The following CDH12 variants were observed in gnomAD, a reference collection of about 807,000 sequenced individuals.
CDH12 encodes the protein cadherin-12.
A neutral mutation model predicts 74.1 loss-of-function variants in CDH12; 41 were observed. The observed-to-expected ratio is 0.55, with a 90% confidence interval of 0.43 to 0.72. The LOEUF (loss-of-function observed/expected upper bound fraction) is 0.72, where lower values mean the gene tolerates loss of function less well. CDH12 is among the 30% of genes least tolerant of loss of function. The pLI is 0.00. For missense variants in CDH12, 945 were observed against 977.2 expected (o/e 0.97, Z 0.44); for synonymous variants, 399 against 355.0 (o/e 1.12, Z -1.39).
At chr5:22,721,785 T>C (rs188854887) in intron 1 of CDH12, among the ~76,000 whole-genome samples, 8 of 152,130 alleles carry the variant, frequency 5.3e-5, no homozygotes, top group African/African-American at 1.7e-4. Context: ...GTTGTCATGA[T>C]AGAGAGTGAG....
chr5:21,849,311 T>G (rs937646928), intron 7 of CDH12, among the ~76,000 whole-genome samples: 1 of 151,798 alleles, frequency 6.6e-6, no homozygotes, highest in Non-Finnish European at 1.5e-5. Context: ...TTATTTTTGC[T>G]GATGTGTTCA....
intron 1 of CDH12, among the ~76,000 whole-genome samples, chr5:22,678,052 G>GGC (rs908991344): frequency 2.0e-5 from 3 of 151,456 alleles, no homozygotes; most frequent in East Asian, 3.9e-4. Context: ...CATGGGGGGG[G>GGC]GGGTTAGGAT....
chr5:22,044,719 T>C (rs1383451120), intron 5 of CDH12, among the ~76,000 whole-genome samples: 1 of 152,226 alleles, frequency 6.6e-6, no homozygotes, highest in East Asian at 1.9e-4. Context: ...GAAAAGGCAG[T>C]GTTTTCAATA....
chr5:22,412,791 T>G (rs1223050988), intron 2 of CDH12, among the ~76,000 whole-genome samples: 2 of 151,990 alleles, frequency 1.3e-5, no homozygotes, highest in Admixed American at 6.6e-5. Flanking sequence ...TACCTTTTTA[T>G]GCCAAAGGAC....
At chr5:22,473,310 T>G (rs952162994) in intron 2 of CDH12, among the ~76,000 whole-genome samples, 7 of 152,148 alleles carry the variant, frequency 4.6e-5, no homozygotes, top group African/African-American at 1.4e-4. Context: ...TTTATAAAAT[T>G]TAAAGCACCT....
chr5:22,380,253 TAATC>T (rs1333910243), intron 3 of CDH12, among the ~76,000 whole-genome samples: 1 of 152,156 alleles, frequency 6.6e-6, no homozygotes, highest in Non-Finnish European at 1.5e-5. Flanking sequence ...TTTAAAAAAT[TAATC>T]AACCTCCACT....
At chr5:22,387,021 A>G (rs1322471289) in intron 3 of CDH12, among the ~76,000 whole-genome samples, 1 of 151,976 alleles carries the variant, frequency 6.6e-6, no homozygotes, top group Non-Finnish European at 1.5e-5. Context: ...ATCATTTGTA[A>G]AGTAATATGA....
In CDH12 at chr5:22,104,407, CTTTAT is replaced by C. The variant is rs531829415; in HGVS notation, c.-186-25550_-186-25546del. On this transcript the variant is annotated intron_variant, in intron 4 of 14. Transcript: ENST00000382254. ...AGTATGTATTTGGAAAGAGATATTGCTTTATTTTAAGTCAAATTAAATGAGAAAAA... is the reference window on the plus strand; with the variant it reads ...AGTATGTATTTGGAAAGAGATATTGCTTTAAGTCAAATTAAATGAGAAAAA... Among the ~76,000 whole-genome samples the C allele has an allele frequency of 5.8e-3, 883 of 151,358 alleles. 15 individuals are homozygous for C. The highest frequency in any genetic ancestry group is 0.02 in the African/African-American group (844 of 41,188).
intron 6 of CDH12, among the ~76,000 whole-genome samples, chr5:21,871,532 C>T (rs1034101519): frequency 2.0e-5 from 3 of 151,894 alleles, no homozygotes; most frequent in Non-Finnish European, 2.9e-5. Flanking sequence ...CAAAAGTTCG[C>T]GACCAGCCTG....
intron 1 of CDH12, among the ~76,000 whole-genome samples, chr5:22,576,961 C>T (rs551904567): frequency 2.6e-5 from 4 of 152,140 alleles, no homozygotes; most frequent in African/African-American, 7.2e-5. Context: ...AAGCCTTTAC[C>T]CATATTTCTC....
chr5:22,414,213 T>TA (rs1222466839), intron 2 of CDH12, among the ~76,000 whole-genome samples: 1 of 151,952 alleles, frequency 6.6e-6, no homozygotes, highest in East Asian at 1.9e-4. Context: ...GAAATATTTT[T>TA]AAAAAATGAA....
chr5:22,812,087 A>G (rs1017083775), intron 1 of CDH12, among the ~76,000 whole-genome samples: 1 of 152,188 alleles, frequency 6.6e-6, no homozygotes, highest in African/African-American at 2.4e-5. Flanking sequence ...AGCTTTCATC[A>G]GGATAATGAT....
chr5:21,758,296 T>C (rs192499483), intron 13 of CDH12, among the ~76,000 whole-genome samples: 1 of 152,152 alleles, frequency 6.6e-6, no homozygotes, highest in Non-Finnish European at 1.5e-5. Context: ...CTTATGGCCA[T>C]TTCTCACATT....
chr5:21,765,678 A>C (rs73742005), intron 11 of CDH12, among the ~76,000 whole-genome samples: 1 of 152,248 alleles, frequency 6.6e-6, no homozygotes, highest in African/African-American at 2.4e-5. Context: ...TAAAAAAGGA[A>C]GTAATAAACT....
At chr5:21,896,339 C>T (rs1753121855) in intron 6 of CDH12, among the ~76,000 whole-genome samples, 1 of 152,198 alleles carries the variant, frequency 6.6e-6, no homozygotes, top group South Asian at 2.1e-4. Context: ...ATTATCTTCA[C>T]AGCTTGGACA....
chr5:21,816,829 G>C lies in CDH12; in HGVS notation c.1002+116C>G, dbSNP rs992219000. On this transcript the variant is annotated intron_variant, in intron 9 of 14. Transcript: ENST00000382254. ...ACCCCAACTCTCACATGGTTCAAGGGTCAACTCTATTGCTAATTGAAGGAA... is the reference window on the plus strand; with the variant it reads ...ACCCCAACTCTCACATGGTTCAAGGCTCAACTCTATTGCTAATTGAAGGAA... The C allele has an allele frequency of 7.4e-6, 5 of 678,440 alleles. No homozygotes were observed. In the African/African-American group the frequency reaches 9.3e-5, roughly 13 times the overall value. The allele number at this position is 678,440 out of a possible 1,614,324, so 42.0% of individuals were successfully genotyped here. A position where few individuals can be genotyped will look rare whatever the true frequency, so the allele number is the denominator to read the frequency against.
chr5:22,593,563 T>G (rs1474149782), intron 1 of CDH12, among the ~76,000 whole-genome samples: 3 of 152,194 alleles, frequency 2.0e-5, no homozygotes, highest in African/African-American at 7.2e-5. Flanking sequence ...ATCTCATGTT[T>G]TAAAAAATTA....
chr5:22,537,768 C>A (rs1737920042), intron 1 of CDH12, among the ~76,000 whole-genome samples: 1 of 152,190 alleles, frequency 6.6e-6, no homozygotes, highest in Admixed American at 6.5e-5. Context: ...AAGCCCCTCT[C>A]AGGTTTATTC....
chr5:22,761,004 CA>C (rs1254957979), intron 1 of CDH12, among the ~76,000 whole-genome samples: 1 of 152,118 alleles, frequency 6.6e-6, no homozygotes, highest in Non-Finnish European at 1.5e-5. Flanking sequence ...GTTGTTTGAG[CA>C]ATATGTTTTG....
Sources: gnomAD v4.1 joint callset for allele counts (sites outside exome capture counted in the v4.1 genomes callset) on GRCh38, gnomAD v4.1.1 for gene constraint, MANE v1.5 for transcripts, NCBI Gene and HGNC (gene_info 2026-07-23, HGNC 2026-07-21) for gene names.